Variants in MAP3K13 observed in about 807,000 individuals in gnomAD.
The protein encoded by MAP3K13 is mitogen-activated protein kinase kinase kinase 13.
MAP3K13 carries 52 observed loss-of-function variants against 104.0 expected under a neutral mutation model. The ratio of observed to expected loss-of-function variants is 0.50; its 90% CI spans 0.40 to 0.63. The LOEUF is 0.63. MAP3K13 is among the 20% of genes least tolerant of loss of function. MAP3K13 has a pLI of 0.00. For missense variants in MAP3K13, 914 were observed against 1,218.5 expected, an observed-to-expected ratio of 0.75 and a Z score of 3.72; for synonymous variants, 394 against 442.2, an observed-to-expected ratio of 0.89 and a Z score of 1.37.
chr3:185,303,242 T>G (rs1721169699), intron 2 of MAP3K13, among the ~76,000 whole-genome samples: 1 of 152,238 alleles, frequency 6.6e-6, no homozygotes, highest in South Asian at 2.1e-4. Flanking sequence ...GCTAATATTT[T>G]GTTCAGGATT....
intron 13 of MAP3K13, among the ~76,000 whole-genome samples, chr3:185,481,872 C>T (rs1718479385): frequency 2.0e-5 from 3 of 152,212 alleles, no homozygotes; most frequent in African/African-American, 7.2e-5. Context: ...ATCACAAGGT[C>T]AGGAGATCAA....
At chr3:185,284,447 G>C (rs1274093543) in intron 1 of MAP3K13, among the ~76,000 whole-genome samples, 1 of 152,152 alleles carries the variant, frequency 6.6e-6, no homozygotes, top group African/African-American at 2.4e-5. Flanking sequence ...CGGGCACGGT[G>C]GCTCACACCT....
upstream of MAP3K13, among the ~76,000 whole-genome samples, chr3:185,360,459 C>T (rs532733702): frequency 2.6e-5 from 4 of 152,246 alleles, no homozygotes; most frequent in Non-Finnish European, 5.9e-5. Context: ...ATAATGACTT[C>T]CTCCAAGACT....
At chr3:185,324,808 TAA>T (rs5855057) in intron 2 of MAP3K13, among the ~76,000 whole-genome samples, 282 of 148,420 alleles carry the variant, frequency 1.9e-3, no homozygotes, top group East Asian at 0.011. Context: ...CCGGCACAAT[TAA>T]AAAAAAAAAA....
intron 2 of MAP3K13, among the ~76,000 whole-genome samples, chr3:185,308,467 T>C (rs1484095887): frequency 2.6e-5 from 4 of 152,224 alleles, no homozygotes; most frequent in African/African-American, 9.7e-5. Flanking sequence ...CCAGAAAAGC[T>C]GAAAGGTTGG....
At chr3:185,292,551 C>A in intron 2 of MAP3K13, 1 of 661,424 alleles carries the variant, frequency 1.5e-6, no homozygotes, top group Non-Finnish European at 1.9e-6. Context: ...CGGCCTACCT[C>A]ACAGGGTTGT....
chr3:185,335,660 G>A (rs1177513632), intron 2 of MAP3K13, among the ~76,000 whole-genome samples: 1 of 152,080 alleles, frequency 6.6e-6, no homozygotes, highest in South Asian at 2.1e-4. Flanking sequence ...TGTAACCTAT[G>A]CACATCCTCT....
rs968926995 is a variant in MAP3K13, at chr3:185,315,108, G to C, written c.-86+29465G>C. Among the ~76,000 whole-genome samples the C allele has an allele frequency of 2.0e-5, 3 of 152,146 alleles. No individual in the cohort carries two copies. Among genetic ancestry groups the C allele is most frequent in the Non-Finnish European group, 4.4e-5 (3 of 68,028 alleles). Reference sequence around the variant, plus strand: ...TCTAAGAATACAAAAAAATTAGCCAGGTGTGGTGGCATGCACTTGTAATCC... The same window carrying C: ...TCTAAGAATACAAAAAAATTAGCCACGTGTGGTGGCATGCACTTGTAATCC... On this transcript the variant is annotated intron_variant, in intron 2 of 14. Transcript: ENST00000424227. The surrounding 1 kb of genome is among the most constrained non-coding windows in gnomAD (Gnocchi z 4.3).
intron 2 of MAP3K13, among the ~76,000 whole-genome samples, chr3:185,294,610 G>A (rs1021849634): frequency 4.6e-5 from 7 of 152,206 alleles, no homozygotes; most frequent in Admixed American, 3.9e-4. Flanking sequence ...AATTGCAAAG[G>A]TTGTATAAAT....
At chr3:185,379,460 C>G (rs1273433633) in intron 1 of MAP3K13, among the ~76,000 whole-genome samples, 2 of 152,126 alleles carry the variant, frequency 1.3e-5, no homozygotes, top group African/African-American at 2.4e-5. Flanking sequence ...GCCACTTACC[C>G]AATTTAAAAT....
intron 2 of MAP3K13, among the ~76,000 whole-genome samples, chr3:185,330,331 T>G (rs1408160014): frequency 6.6e-6 from 1 of 151,958 alleles, no homozygotes; most frequent in African/African-American, 2.4e-5. Flanking sequence ...GCTTCTTGTT[T>G]CTGCTGTACT....
chr3:185,322,259 T>C (rs1721897368), intron 2 of MAP3K13, among the ~76,000 whole-genome samples: 1 of 152,220 alleles, frequency 6.6e-6, no homozygotes, highest in Non-Finnish European at 1.5e-5. Flanking sequence ...TCTAGGAAAA[T>C]GTTGACTTCT....
intron 1 of MAP3K13, among the ~76,000 whole-genome samples, chr3:185,392,303 A>G (rs1712108641): frequency 6.6e-6 from 1 of 152,180 alleles, no homozygotes; most frequent in Non-Finnish European, 1.5e-5. Context: ...ACAGCGTGAT[A>G]TGTGCTATTA....
intron 1 of MAP3K13, among the ~76,000 whole-genome samples, chr3:185,405,829 GT>G: frequency 6.6e-6 from 1 of 152,268 alleles, no homozygotes; most frequent in Non-Finnish European, 1.5e-5. Context: ...CTCCTTGAGG[GT>G]AGGACTATCT....
chr3:185,396,667 A>G (rs1456687336), intron 1 of MAP3K13, among the ~76,000 whole-genome samples: 4 of 152,188 alleles, frequency 2.6e-5, no homozygotes, highest in Non-Finnish European at 5.9e-5. Flanking sequence ...CTGTTTTGAT[A>G]CATTGTTCCT....
At chr3:185,422,426 A>G (rs1208942343) in intron 1 of MAP3K13, among the ~76,000 whole-genome samples, 1 of 152,196 alleles carries the variant, frequency 6.6e-6, no homozygotes, top group Non-Finnish European at 1.5e-5. Context: ...TGATCTCTTA[A>G]ATATCAAACG....
At chr3:185,347,988 G>C (rs188020167) in intron 2 of MAP3K13, among the ~76,000 whole-genome samples, 1 of 146,362 alleles carries the variant, frequency 6.8e-6, no homozygotes, top group African/African-American at 2.6e-5. Context: ...CTCCATCCTG[G>C]GCAACAAAAG....
chr3:185,331,565 A>G (rs1437512508), intron 2 of MAP3K13, among the ~76,000 whole-genome samples: 3 of 152,140 alleles, frequency 2.0e-5, no homozygotes, highest in South Asian at 2.1e-4. Context: ...TGTCTTGTTC[A>G]GGGCCATATT....
In MAP3K13 at chr3:185,447,800, C is replaced by T. The variant is rs1715675187; in HGVS notation, c.863C>T (p.Thr288Ile). The T allele has an allele frequency of 6.2e-7, 1 of 1,607,022 alleles. No homozygotes were observed. The part of the protein sequence containing the change: ...RDLKSPNVLV[T>I]HTDAVKISDF... ...ATTTCTTTTTAAAGTGTTTTAGTGACCCACACAGATGCGGTAAAAATTTCA... is the reference window on the plus strand; with the variant it reads ...ATTTCTTTTTAAAGTGTTTTAGTGATCCACACAGATGCGGTAAAAATTTCA... Residue 288 changes from threonine to isoleucine, a missense_variant, in exon 5 of 14, where the codon ACC becomes ATC. This residue lies in a region of MAP3K13 where 175 missense variants were observed against 321.3 expected (regional missense o/e 0.54). Coordinates refer to ENST00000265026, the MANE Select transcript of MAP3K13 (RefSeq NM_004721.5).
Sources: gnomAD v4.1 joint callset for allele counts (sites outside exome capture counted in the v4.1 genomes callset) on GRCh38, gnomAD v4.1.1 for gene constraint, gnomAD v4.1.1 regional missense constraint, Gnocchi (gnomAD v3.1) non-coding constraint, MANE v1.5 for transcripts, NCBI Gene and HGNC (gene_info 2026-07-23, HGNC 2026-07-21) for gene names.